ADCY8: variants seen among roughly 807,000 people sequenced by gnomAD.
ADCY8 encodes adenylate cyclase 8, also known as adenylate cyclase type 8.
ADCY8 carries 51 observed loss-of-function variants against 119.7 expected under a neutral mutation model. That is an observed-to-expected ratio of 0.43 (90% CI 0.34 to 0.54). The LOEUF (loss-of-function observed/expected upper bound fraction) is 0.54, where lower values mean the gene tolerates loss of function less well. Among genes scored for constraint, ADCY8 ranks in the 20% least tolerant of loss-of-function variants. ADCY8 has a pLI of 0.03. For synonymous variants in ADCY8, 665 were observed against 651.0 expected (o/e 1.02, Z -0.33); for missense variants, 1,383 against 1,598.8 (o/e 0.87, Z 2.30).
At chr8:130,828,965 A>G (rs1816746280) in intron 12 of ADCY8, among the ~76,000 whole-genome samples, 2 of 152,188 alleles carry the variant, frequency 1.3e-5, no homozygotes, top group African/African-American at 4.8e-5. Flanking sequence ...TGCAAATGTC[A>G]CGTAGTCTCT....
intron 7 of ADCY8, among the ~76,000 whole-genome samples, chr8:130,903,063 C>T (rs577722118): frequency 6.6e-6 from 1 of 152,160 alleles, no homozygotes; most frequent in East Asian, 1.9e-4. Flanking sequence ...CTGGCTCAGC[C>T]TCAGTTCTCT....
At chr8:131,005,670 G>A (rs774141385) in intron 1 of ADCY8, among the ~76,000 whole-genome samples, 2 of 152,158 alleles carry the variant, frequency 1.3e-5, no homozygotes, top group Non-Finnish European at 2.9e-5. Context: ...AATCAGGAAC[G>A]AGAGAGAGCA....
chr8:130,827,292 G>C (rs1816697546), intron 12 of ADCY8, among the ~76,000 whole-genome samples: 1 of 152,180 alleles, frequency 6.6e-6, no homozygotes, highest in Non-Finnish European at 1.5e-5. Context: ...ATGCTGGCAA[G>C]TTGTGCCAAT....
intron 5 of ADCY8, 110 bp from the exon 6 acceptor site, chr8:130,909,976 C>T (rs1279254394): frequency 9.6e-6 from 10 of 1,040,696 alleles, no homozygotes; most frequent in Admixed American, 5.4e-5. Flanking sequence ...TTTGCTCTGT[C>T]GCCCAGGCTG....
intron 15 of ADCY8, among the ~76,000 whole-genome samples, chr8:130,799,085 T>C (rs1042132916): frequency 2.0e-5 from 3 of 151,906 alleles, no homozygotes; most frequent in Admixed American, 6.6e-5. Context: ...TCTAAAAACG[T>C]CAAACTCAGA....
chr8:130,798,187 G>GTGGC (rs1815647044), intron 15 of ADCY8, among the ~76,000 whole-genome samples: 2 of 152,214 alleles, frequency 1.3e-5, no homozygotes, highest in Admixed American at 1.3e-4. Context: ...CTAGAACTAA[G>GTGGC]TGGCTATTGG....
At chr8:130,896,123 T>G (rs1819378387) in intron 7 of ADCY8, among the ~76,000 whole-genome samples, 1 of 152,056 alleles carries the variant, frequency 6.6e-6, no homozygotes, top group Non-Finnish European at 1.5e-5. Flanking sequence ...ATTTCCTGAT[T>G]AACTCAGATC....
At chr8:130,797,461 C>T (rs146449833) in intron 15 of ADCY8, among the ~76,000 whole-genome samples, 13 of 152,300 alleles carry the variant, frequency 8.5e-5, no homozygotes, top group African/African-American at 3.1e-4. Context: ...CCTATCTTCA[C>T]CTTACTATCT....
intron 11 of ADCY8, among the ~76,000 whole-genome samples, chr8:130,847,065 T>C (rs1485792809): frequency 2.0e-5 from 3 of 151,744 alleles, no homozygotes; most frequent in Non-Finnish European, 4.4e-5. Context: ...TACAGGATTT[T>C]ACAAATAAGC....
At chr8:131,013,471 G>C (rs1400400049) in intron 1 of ADCY8, among the ~76,000 whole-genome samples, 2 of 152,144 alleles carry the variant, frequency 1.3e-5, no homozygotes, top group Non-Finnish European at 2.9e-5. Context: ...AACCGATATA[G>C]AGTTCTTCAG....
intron 14 of ADCY8, among the ~76,000 whole-genome samples, chr8:130,805,736 A>G (rs1815927842): frequency 6.6e-6 from 1 of 152,218 alleles, no homozygotes; most frequent in Admixed American, 6.5e-5. Context: ...CCTGTGAGAC[A>G]GAGTGGGACT....
intron 5 of ADCY8, among the ~76,000 whole-genome samples, chr8:130,923,302 CAA>C (rs1301965033): frequency 1.3e-5 from 2 of 152,050 alleles, no homozygotes; most frequent in East Asian, 1.9e-4. Context: ...TAAAATGTAA[CAA>C]AGAGAGAAAT....
chr8:130,823,783 T>C (rs1241455985), intron 12 of ADCY8, among the ~76,000 whole-genome samples: 1 of 151,912 alleles, frequency 6.6e-6, no homozygotes, highest in Non-Finnish European at 1.5e-5. Context: ...GAGAAGACAA[T>C]GGTTAAAATT....
At chr8:131,013,147 G>T (rs892903900) in intron 1 of ADCY8, among the ~76,000 whole-genome samples, 2 of 152,096 alleles carry the variant, frequency 1.3e-5, no homozygotes, top group African/African-American at 4.8e-5. Context: ...TATGACTGAG[G>T]CATTTAGATT....
At chr8:130,807,197 C>A (rs547409609) in intron 14 of ADCY8, among the ~76,000 whole-genome samples, 1 of 152,224 alleles carries the variant, frequency 6.6e-6, no homozygotes, top group Non-Finnish European at 1.5e-5. Context: ...GAACTATAGT[C>A]TGGTCCTTCA....
intron 2 of ADCY8, among the ~76,000 whole-genome samples, chr8:130,989,453 T>C (rs1822506994): frequency 6.6e-6 from 1 of 152,142 alleles, no homozygotes; most frequent in Non-Finnish European, 1.5e-5. Flanking sequence ...TTGCCTAAAG[T>C]CTTAAATAAG....
chr8:130,971,099 A>T (rs1389717372), intron 2 of ADCY8, among the ~76,000 whole-genome samples: 1 of 152,188 alleles, frequency 6.6e-6, no homozygotes, highest in Admixed American at 6.5e-5. Context: ...TAGGTTTAGC[A>T]CAAGTCTGGT....
intron 1 of ADCY8, chr8:130,990,765 C>A: frequency 2.2e-6 from 1 of 459,780 alleles, no homozygotes; most frequent in South Asian, 3.6e-5. Context: ...AGGCTTCTTT[C>A]TCCCCAGGTT....
At chr8:130,825,899 C>A (rs1038450224) in intron 12 of ADCY8, among the ~76,000 whole-genome samples, 1 of 152,208 alleles carries the variant, frequency 6.6e-6, no homozygotes, top group African/African-American at 2.4e-5. Flanking sequence ...AGGCGGTCAT[C>A]CTGAGACACT....
Sources: gnomAD v4.1 joint callset for allele counts (sites outside exome capture counted in the v4.1 genomes callset) on GRCh38, gnomAD v4.1.1 for gene constraint, MANE v1.5 for transcripts, NCBI Gene and HGNC (gene_info 2026-07-23, HGNC 2026-07-21) for gene names.